MCTP1: variants seen among roughly 807,000 people sequenced by gnomAD.
MCTP1 encodes the protein multiple C2 and transmembrane domain-containing protein 1.
In MCTP1, 69 loss-of-function variants were observed where a neutral mutation model predicts 120.6. That is an observed-to-expected ratio of 0.57 (90% CI 0.47 to 0.70). MCTP1 has a LOEUF of 0.70. Among genes scored for constraint, MCTP1 ranks in the 30% least tolerant of loss-of-function variants. The pLI is 0.00. For missense variants in MCTP1, 1,203 were observed against 1,248.8 expected (o/e 0.96, Z 0.55); for synonymous variants, 529 against 493.1 (o/e 1.07, Z -0.96).
intron 1 of MCTP1, chr5:95,081,496 T>G: frequency 6.2e-7 from 1 of 1,607,414 alleles, no homozygotes; most frequent in South Asian, 1.1e-5. Context: ...TGATTAGAAA[T>G]GAACAAAACA....
intron 1 of MCTP1, among the ~76,000 whole-genome samples, chr5:95,163,936 T>C (rs1340592370): frequency 2.0e-5 from 3 of 152,224 alleles, no homozygotes; most frequent in Non-Finnish European, 2.9e-5. Flanking sequence ...TTTACAGCTC[T>C]AGTTTATGGT....
chr5:94,941,928 A>ATT (rs1464784585), intron 4 of MCTP1, among the ~76,000 whole-genome samples: 1 of 152,028 alleles, frequency 6.6e-6, no homozygotes, highest in Non-Finnish European at 1.5e-5. Flanking sequence ...GAGTGACAAG[A>ATT]GAGTTGCTGT....
At chr5:95,178,512 A>T in intron 1 of MCTP1, among the ~76,000 whole-genome samples, 1 of 152,306 alleles carries the variant, frequency 6.6e-6, no homozygotes, top group Middle Eastern at 3.4e-3. Context: ...CTTTGCAGAC[A>T]TTCCTTAGTA....
At chr5:94,791,310 T>A (rs1207232625) in intron 18 of MCTP1, among the ~76,000 whole-genome samples, 2 of 141,400 alleles carry the variant, frequency 1.4e-5, no homozygotes, top group Admixed American at 7.1e-5. Flanking sequence ...AAAAAAAAAA[T>A]TGAAGGAAAC....
intron 1 of MCTP1, among the ~76,000 whole-genome samples, chr5:95,059,613 A>G (rs1477086957): frequency 6.6e-6 from 1 of 152,174 alleles, no homozygotes; most frequent in East Asian, 1.9e-4. Context: ...CAAAAAAAAG[A>G]CTATCCTCTG....
chr5:95,269,422 A>G (rs1759179652), intron 1 of MCTP1, among the ~76,000 whole-genome samples: 1 of 152,256 alleles, frequency 6.6e-6, no homozygotes, highest in African/African-American at 2.4e-5. Flanking sequence ...GTCATGATAC[A>G]TGTATAGAAC....
At chr5:94,993,486 T>G (rs1340631166) in intron 2 of MCTP1, among the ~76,000 whole-genome samples, 5 of 152,182 alleles carry the variant, frequency 3.3e-5, no homozygotes, top group Non-Finnish European at 7.3e-5. Context: ...TTTCAAAGGG[T>G]TGCAAAGACC....
chr5:95,274,745 T>A (rs541518439), intron 1 of MCTP1, among the ~76,000 whole-genome samples: 1 of 152,224 alleles, frequency 6.6e-6, no homozygotes, highest in Admixed American at 6.5e-5. Flanking sequence ...TGCCTCAGAC[T>A]CCTGAGTAGC....
At chr5:94,953,832 T>TATATATATACAA (rs1561916186) in intron 2 of MCTP1, among the ~76,000 whole-genome samples, 1,214 of 44,574 alleles carry the variant, frequency 0.027, 135 homozygotes, top group Admixed American at 0.045. Context: ...TATATATACA[T>TATATATATACAA]ATATATATAT....
intron 1 of MCTP1, among the ~76,000 whole-genome samples, chr5:95,086,074 A>AT (rs1414544874): frequency 2.6e-5 from 4 of 151,814 alleles, no homozygotes; most frequent in African/African-American, 7.3e-5. Context: ...TTAAAAATTT[A>AT]TTTTTTTCTG....
At chr5:95,161,279 C>T (rs1161709551) in intron 1 of MCTP1, among the ~76,000 whole-genome samples, 1 of 152,078 alleles carries the variant, frequency 6.6e-6, no homozygotes, top group East Asian at 1.9e-4. Flanking sequence ...GGGGGAAATC[C>T]TGTCATTTGC....
intron 13 of MCTP1, among the ~76,000 whole-genome samples, 191 bp from the exon 14 acceptor site, chr5:94,871,608 G>A (rs1456729462): frequency 6.6e-6 from 1 of 152,076 alleles, no homozygotes; most frequent in African/African-American, 2.4e-5. Flanking sequence ...CAACTATAGT[G>A]ATGGTTCTAT....
intron 1 of MCTP1, among the ~76,000 whole-genome samples, chr5:95,266,670 A>G (rs1166521341): frequency 6.6e-6 from 1 of 152,198 alleles, no homozygotes; most frequent in African/African-American, 2.4e-5. Context: ...ACTAGATGCT[A>G]TTTCCTAGTC....
At chr5:94,736,397 C>A (rs1443596920) in intron 19 of MCTP1, among the ~76,000 whole-genome samples, 1 of 152,116 alleles carries the variant, frequency 6.6e-6, no homozygotes, top group East Asian at 1.9e-4. Flanking sequence ...GTGGGGGAAT[C>A]ACTTGAGCCT....
intron 17 of MCTP1, among the ~76,000 whole-genome samples, chr5:94,829,802 G>A (rs952463080): frequency 5.9e-5 from 9 of 152,340 alleles, no homozygotes; most frequent in African/African-American, 2.2e-4. Flanking sequence ...TCAGAAGTGT[G>A]TAATCTTCTG....
intron 1 of MCTP1, among the ~76,000 whole-genome samples, chr5:95,158,649 T>C (rs1745379790): frequency 6.6e-6 from 1 of 152,016 alleles, no homozygotes; most frequent in African/African-American, 2.4e-5. Flanking sequence ...TTTAGGGACA[T>C]GTGCAATGGC....
chr5:95,030,645 C>G (rs569057930), intron 1 of MCTP1, among the ~76,000 whole-genome samples: 3 of 152,148 alleles, frequency 2.0e-5, no homozygotes, highest in East Asian at 1.9e-4. Context: ...CACAGTCATA[C>G]CCTCAAGGGA....
rs114745383 is a variant in MCTP1 at position 94,984,319 on chromosome 5, G to A, written c.839-30958C>T. Reference sequence around the variant, plus strand: ...CTCCTCAGTGAAAGGCTCTTGGCTAGGAATTTGAGTTGGCAAAGAAAACAA... The same window carrying A: ...CTCCTCAGTGAAAGGCTCTTGGCTAAGAATTTGAGTTGGCAAAGAAAACAA... On this transcript the variant is annotated intron_variant, in intron 2 of 22. Coordinates refer to ENST00000515393, the MANE Select transcript of MCTP1 (RefSeq NM_024717.7). Among the ~76,000 whole-genome samples, 1,375 of 152,212 alleles carry A rather than the reference G, an allele frequency of 9.0e-3. 18 individuals carry two copies. The highest frequency in any genetic ancestry group is 0.032 in the African/African-American group (1,327 of 41,534).
intron 1 of MCTP1, among the ~76,000 whole-genome samples, chr5:95,120,025 A>T (rs1029752374): frequency 6.6e-6 from 1 of 151,888 alleles, no homozygotes; most frequent in Non-Finnish European, 1.5e-5. Flanking sequence ...AAATACAAAA[A>T]AATTAGCCGG....
Sources: gnomAD v4.1 joint callset for allele counts (sites outside exome capture counted in the v4.1 genomes callset) on GRCh38, gnomAD v4.1.1 for gene constraint, MANE v1.5 for transcripts, NCBI Gene and HGNC (gene_info 2026-07-23, HGNC 2026-07-21) for gene names.